MAP4K3: variants seen among roughly 807,000 people sequenced by gnomAD.
MAP4K3 encodes MAPK/ERK kinase kinase kinase 3.
In MAP4K3, 94 loss-of-function variants were observed where a neutral mutation model predicts 143.5. The ratio of observed to expected loss-of-function variants is 0.65; its 90% CI spans 0.55 to 0.78. The LOEUF (loss-of-function observed/expected upper bound fraction) is 0.78. MAP4K3 is among the 30% of genes least tolerant of loss of function. The probability of loss-of-function intolerance (pLI) is 0.00; values close to 1 mark genes in which losing one functional copy is unlikely to be tolerated. For missense variants in MAP4K3, 1,077 were observed against 1,068.1 expected, an observed-to-expected ratio of 1.01 and a Z score of -0.12; for synonymous variants, 416 against 347.2, an observed-to-expected ratio of 1.20 and a Z score of -2.20.
At chr2:39,313,267 A>T (rs575846022) in intron 13 of MAP4K3, among the ~76,000 whole-genome samples, 3 of 152,122 alleles carry the variant, frequency 2.0e-5, no homozygotes, top group African/African-American at 7.2e-5. Flanking sequence ...GGTTTGTTGT[A>T]TAGGTAAACT....
chr2:39,325,925 A>T lies in MAP4K3; in HGVS notation c.699T>A (p.Pro233=). The T allele has an allele frequency of 6.3e-7, 1 of 1,596,786 alleles. No homozygotes were observed. Among genetic ancestry groups the T allele is most frequent in the Non-Finnish European group, 8.6e-7 (1 of 1,166,664 alleles). ...ATTTCATTTTATCCTTTAGTTTAGG[A>T]GGCTGAAAATTGCTTTTTGTCATTA... ...LFLMTKSNFQ[P]PKLKDKMKWS... is the part of the protein sequence containing the mutation. Residue 233 remains proline, a synonymous_variant, in exon 10 of 34, where the codon CCT becomes CCA. Transcript: ENST00000263881.
At chr2:39,386,446 G>A (rs1159311297) in intron 1 of MAP4K3, among the ~76,000 whole-genome samples, 1 of 152,130 alleles carries the variant, frequency 6.6e-6, no homozygotes. Context: ...TTTATGAATT[G>A]TGCTTTTGGT....
chr2:39,417,538 C>T (rs1014559953), intron 1 of MAP4K3, among the ~76,000 whole-genome samples: 1 of 152,056 alleles, frequency 6.6e-6, no homozygotes, highest in African/African-American at 2.4e-5. Flanking sequence ...TTTCTTACTA[C>T]TGGATTAGGA....
At chr2:39,306,844 C>T (rs769052185) in intron 15 of MAP4K3, among the ~76,000 whole-genome samples, 9 of 152,158 alleles carry the variant, frequency 5.9e-5, no homozygotes, top group Non-Finnish European at 1.0e-4. Flanking sequence ...GCCACATGGG[C>T]CCCAGAGCTC....
intron 1 of MAP4K3, among the ~76,000 whole-genome samples, chr2:39,413,816 G>A (rs558616927): frequency 5.3e-5 from 8 of 151,608 alleles, no homozygotes; most frequent in Non-Finnish European, 1.2e-4. Context: ...CTTAAGTGAA[G>A]CTCTGCTTTG....
intron 13 of MAP4K3, among the ~76,000 whole-genome samples, chr2:39,312,597 G>T (rs1407767217): frequency 5.9e-5 from 9 of 152,146 alleles, no homozygotes; most frequent in African/African-American, 2.2e-4. Flanking sequence ...ACACAGCCCT[G>T]TAATATCTCC....
intron 28 of MAP4K3, among the ~76,000 whole-genome samples, chr2:39,261,432 A>G (rs1409153382): frequency 6.6e-6 from 1 of 152,248 alleles, no homozygotes; most frequent in African/African-American, 2.4e-5. Flanking sequence ...TAAAACCACA[A>G]TGAGATAAAT....
chr2:39,396,311 G>A (rs1392115510), intron 1 of MAP4K3, among the ~76,000 whole-genome samples: 1 of 151,956 alleles, frequency 6.6e-6, no homozygotes, highest in Non-Finnish European at 1.5e-5. Flanking sequence ...GAAGTGTTGG[G>A]ATTATAGGTG....
At chr2:39,294,190 T>C in intron 16 of MAP4K3, 1 of 152,170 alleles carries the variant, frequency 6.6e-6, no homozygotes, top group East Asian at 1.9e-4. Flanking sequence ...CTTTTAATTA[T>C]TTTCCCTCCT....
At chr2:39,313,758 C>T (rs1002669815) in intron 13 of MAP4K3, among the ~76,000 whole-genome samples, 2 of 152,174 alleles carry the variant, frequency 1.3e-5, no homozygotes, top group African/African-American at 4.8e-5. Flanking sequence ...AGTGATCCAC[C>T]CGCCTCGGCC....
chr2:39,329,387 A>G (rs1001774831), intron 8 of MAP4K3, among the ~76,000 whole-genome samples: 18 of 152,212 alleles, frequency 1.2e-4, no homozygotes, highest in Admixed American at 7.2e-4. Context: ...AACTAAAACC[A>G]TAACACACAG....
At chr2:39,277,668 G>A (rs946310060) in intron 24 of MAP4K3, among the ~76,000 whole-genome samples, 3 of 151,912 alleles carry the variant, frequency 2.0e-5, no homozygotes, top group Admixed American at 2.0e-4. Flanking sequence ...GGGTTCAAGT[G>A]ACTCTCCTGT....
At chr2:39,277,872 G>A (rs565962265) in intron 24 of MAP4K3, among the ~76,000 whole-genome samples, 86 of 151,816 alleles carry the variant, frequency 5.7e-4, no homozygotes, top group African/African-American at 2.0e-3. Context: ...GGCGTCATGA[G>A]GATTTTAAGA....
chr2:39,315,043 C>T (rs1004084774), intron 13 of MAP4K3, among the ~76,000 whole-genome samples: 1 of 152,156 alleles, frequency 6.6e-6, no homozygotes, highest in Non-Finnish European at 1.5e-5. Context: ...CAGGCATTTA[C>T]GGCACTGCCT....
intron 21 of MAP4K3, among the ~76,000 whole-genome samples, chr2:39,285,732 A>C (rs1239100088): frequency 6.6e-6 from 1 of 152,214 alleles, no homozygotes. Flanking sequence ...ATATACTAGA[A>C]ATTTCTATAA....
Position 39,343,065 on chromosome 2 carries a change from T to A in MAP4K3, c.310+323A>T, listed in dbSNP as rs59475191. 3.1e-3 allele frequency among the ~76,000 whole-genome samples: 469 copies of A among 152,290 alleles called. 3 individuals carry two copies. The highest frequency in any genetic ancestry group is 0.011 in the African/African-American group (450 of 41,568). ...ATTATCTTTGTATTATCACTACTCATGTATACACTGGATATTTTACCAGCT... is the reference window on the plus strand; with the variant it reads ...ATTATCTTTGTATTATCACTACTCAAGTATACACTGGATATTTTACCAGCT... On this transcript the variant is annotated intron_variant, in intron 4 of 33. Transcript: ENST00000263881.
At chr2:39,375,429 C>G (rs1203263410) in intron 2 of MAP4K3, among the ~76,000 whole-genome samples, 1 of 152,120 alleles carries the variant, frequency 6.6e-6, no homozygotes, top group African/African-American at 2.4e-5. Context: ...TCAGCAAAAT[C>G]TGGACTGGGG....
chr2:39,404,966 C>A (rs1667055837), intron 1 of MAP4K3, among the ~76,000 whole-genome samples: 1 of 152,218 alleles, frequency 6.6e-6, no homozygotes, highest in African/African-American at 2.4e-5. Flanking sequence ...CAGATGGCAT[C>A]TCTGGACCCA....
Position 39,260,618 on chromosome 2 carries a change from A to G in MAP4K3, c.2296T>C (p.Phe766Leu). The G allele has an allele frequency of 6.2e-7, 1 of 1,614,012 alleles. No individual in the cohort carries two copies. Among genetic ancestry groups the G allele is most frequent in the Non-Finnish European group, 8.5e-7 (1 of 1,179,950 alleles). ...AAAAATTACAAACCTGATTCTGTAA[A>G]CCATGAAGAGGTAGAATTTGGATTG... ...TVNPNSTSSW[F>L]TESDTPQTNV... The change falls in exon 29 of 34, where the codon TTT (phenylalanine) becomes CTT (leucine). Residue 766 changes from phenylalanine (F) to leucine (L), a missense_variant. This residue lies in a region of MAP4K3 where 864 missense variants were observed against 801.2 expected (regional missense o/e 1.08). Transcript: ENST00000263881.
Sources: allele counts gnomAD v4.1 joint callset (sites outside exome capture counted in the v4.1 genomes callset), GRCh38; gene constraint gnomAD v4.1.1; regional missense constraint gnomAD v4.1.1; transcripts MANE v1.5; gene names NCBI Gene and HGNC (gene_info 2026-07-23, HGNC 2026-07-21).